KIAA1217: variants seen among roughly 807,000 people sequenced by gnomAD.
The protein encoded by KIAA1217 is sickle tail protein homolog.
A neutral mutation model predicts 163.9 loss-of-function variants in KIAA1217; 88 were observed. That is an observed-to-expected ratio of 0.54 (90% CI 0.45 to 0.64). The LOEUF is 0.64. Ranked by LOEUF, KIAA1217 falls within the 30% of genes least tolerant of loss-of-function variation. KIAA1217 has a pLI of 0.00. For synonymous variants in KIAA1217, 903 were observed against 923.1 expected (o/e 0.98, Z 0.39); for missense variants, 2,372 against 2,475.0 (o/e 0.96, Z 0.88).
intron 2 of KIAA1217, among the ~76,000 whole-genome samples, chr10:24,309,928 A>G (rs1478989117): frequency 1.3e-5 from 2 of 152,190 alleles, no homozygotes; most frequent in South Asian, 2.1e-4. Flanking sequence ...CAGTGCAATA[A>G]TTGTTATTTG....
intron 2 of KIAA1217, among the ~76,000 whole-genome samples, chr10:24,261,667 G>A (rs1168241643): frequency 6.6e-6 from 1 of 152,128 alleles, no homozygotes; most frequent in Admixed American, 6.5e-5. Flanking sequence ...CCTCCATGGG[G>A]GCATGTGGGT....
intron 4 of KIAA1217, 43 bp downstream of exon 4, chr10:24,433,236 G>GT (rs569859382): frequency 4.9e-5 from 72 of 1,466,158 alleles, no homozygotes; most frequent in South Asian, 1.6e-4. Context: ...TTGCCTTAGA[G>GT]TTTTTTTTGT....
intron 2 of KIAA1217, among the ~76,000 whole-genome samples, chr10:24,178,525 C>A (rs1457911749): frequency 6.6e-6 from 1 of 152,300 alleles, no homozygotes; most frequent in South Asian, 2.1e-4. Context: ...TTCTCCACCA[C>A]CTTTGATAAC....
chr10:24,137,121 T>C (rs1363789801), intron 2 of KIAA1217, among the ~76,000 whole-genome samples: 1 of 152,236 alleles, frequency 6.6e-6, no homozygotes, highest in Non-Finnish European at 1.5e-5. Flanking sequence ...GAATCACATT[T>C]GAGAGGACAT....
At chr10:23,794,759 C>G (rs1273847798) in intron 1 of KIAA1217, among the ~76,000 whole-genome samples, 2 of 152,208 alleles carry the variant, frequency 1.3e-5, no homozygotes, top group Non-Finnish European at 1.5e-5. Flanking sequence ...AGGCTGGGAT[C>G]TCTAAAAGTG....
chr10:24,207,282 T>TCTCTCTCTCACACACACACACA (rs529791287), upstream of KIAA1217, among the ~76,000 whole-genome samples: 62 of 140,234 alleles, frequency 4.4e-4, no homozygotes, highest in African/African-American at 1.6e-3. Context: ...TCTCTCTCTC[T>TCTCTCTCTCACACACACACACA]CACACACACA....
At chr10:24,519,011 C>T (rs979917398) in intron 10 of KIAA1217, among the ~76,000 whole-genome samples, 1 of 152,206 alleles carries the variant, frequency 6.6e-6, no homozygotes, top group African/African-American at 2.4e-5. Context: ...GGCATCCTGC[C>T]TGAACCCCTC....
rs573904481 is a variant in KIAA1217 at position 24,054,627 on chromosome 10, T to C, written c.-171+47253T>C. ...CTGCAGTTGCAAACAAATACAGTCA[T>C]ACATTACTCAATTACGAGGATATGT... On this transcript the variant is annotated intron_variant, in intron 2 of 18. Transcript: ENST00000376462. Among the ~76,000 whole-genome samples the C allele has an allele frequency of 1.8e-4, 28 of 152,348 alleles. 1 individual carries two copies. Among genetic ancestry groups the C allele is most frequent in the Admixed American group, 9.1e-4 (14 of 15,310 alleles).
chr10:24,346,647 T>A (rs1384434084), intron 2 of KIAA1217, among the ~76,000 whole-genome samples: 2 of 137,886 alleles, frequency 1.5e-5, no homozygotes, highest in Non-Finnish European at 3.1e-5. Flanking sequence ...CTCAGCTCAC[T>A]GCAACCTCCG....
intron 2 of KIAA1217, among the ~76,000 whole-genome samples, chr10:24,312,387 G>A (rs557716565): frequency 2.6e-4 from 39 of 152,228 alleles, no homozygotes; most frequent in African/African-American, 7.9e-4. Flanking sequence ...AGGCCAAGGC[G>A]GCCGAATCAC....
intron 1 of KIAA1217, among the ~76,000 whole-genome samples, chr10:23,940,248 T>A (rs901279303): frequency 6.6e-6 from 1 of 151,540 alleles, no homozygotes; most frequent in Non-Finnish European, 1.5e-5. Context: ...TCACCTGACA[T>A]CAGGAGTTCG....
intron 5 of KIAA1217, among the ~76,000 whole-genome samples, chr10:24,446,058 T>G (rs556390365): frequency 5.9e-5 from 9 of 152,348 alleles, no homozygotes; most frequent in Admixed American, 5.9e-4. Flanking sequence ...TCCTGACTTT[T>G]TAATGATCGC....
intron 5 of KIAA1217, among the ~76,000 whole-genome samples, chr10:24,472,816 T>A (rs1032961052): frequency 2.0e-5 from 3 of 152,118 alleles, no homozygotes; most frequent in Admixed American, 1.3e-4. Flanking sequence ...GTCGGCAGGG[T>A]CATCCTCCCT....
At chr10:24,251,904 G>T in intron 2 of KIAA1217, among the ~76,000 whole-genome samples, 1 of 147,330 alleles carries the variant, frequency 6.8e-6, no homozygotes, top group Non-Finnish European at 1.5e-5. Context: ...AAGAATTCCT[G>T]CCCAGCAAGT....
At chr10:24,265,217 T>G (rs1325987854) in intron 2 of KIAA1217, among the ~76,000 whole-genome samples, 1 of 152,242 alleles carries the variant, frequency 6.6e-6, no homozygotes, top group Non-Finnish European at 1.5e-5. Context: ...TTATCTGGAC[T>G]TGAGGGCTTC....
At chr10:23,714,971 A>G (rs898745223) in intron 1 of KIAA1217, among the ~76,000 whole-genome samples, 10 of 152,218 alleles carry the variant, frequency 6.6e-5, no homozygotes, top group African/African-American at 9.6e-5. Flanking sequence ...TCATGGAAAG[A>G]CAAGAACGCT....
At chr10:24,515,665 T>A (rs1399727873) in intron 10 of KIAA1217, among the ~76,000 whole-genome samples, 1 of 152,184 alleles carries the variant, frequency 6.6e-6, no homozygotes, top group African/African-American at 2.4e-5. Flanking sequence ...GTACCAGTTG[T>A]ACCCACACAA....
At chr10:24,446,937 C>T (rs1185580540) in intron 5 of KIAA1217, among the ~76,000 whole-genome samples, 1 of 152,144 alleles carries the variant, frequency 6.6e-6, no homozygotes, top group African/African-American at 2.4e-5. Context: ...TGGTCACTAC[C>T]GTCCGTCCTT....
Position 23,954,557 on chromosome 10 carries a change from T to C in KIAA1217, c.-320-52668T>C, listed in dbSNP as rs536323494. On this transcript the variant is annotated intron_variant, in intron 1 of 18. Coordinates refer to the KIAA1217 transcript ENST00000376462. Reference sequence around the variant, plus strand: ...TTCAGCCTGGACACCAGAAAGAGATTCTGTCTCAAAAAAATGAAGGAAAGA... The same window carrying C: ...TTCAGCCTGGACACCAGAAAGAGATCCTGTCTCAAAAAAATGAAGGAAAGA... 6.4e-4 allele frequency among the ~76,000 whole-genome samples: 96 copies of C among 150,730 alleles called. No individual in the cohort carries two copies. In the South Asian group the frequency reaches 0.019, roughly 30 times the overall value.
Sources: gnomAD v4.1 joint callset for allele counts (sites outside exome capture counted in the v4.1 genomes callset) on GRCh38, gnomAD v4.1.1 for gene constraint, MANE v1.5 for transcripts, NCBI Gene and HGNC (gene_info 2026-07-23, HGNC 2026-07-21) for gene names.